TEX11: variants seen among roughly 807,000 people sequenced by gnomAD.
The protein encoded by TEX11 is testis expressed 11.
Under a neutral mutation model 84.4 loss-of-function variants are expected in TEX11, and 7 were observed. That is an observed-to-expected ratio of 0.08 (90% CI 0.05 to 0.16). TEX11 has a LOEUF of 0.16. TEX11 is among the 10% of genes least tolerant of loss of function. TEX11 has a pLI of 1.00. For synonymous variants in TEX11, 264 were observed against 222.8 expected, an observed-to-expected ratio of 1.18 and a Z score of -1.64; for missense variants, 551 against 660.5, an observed-to-expected ratio of 0.83 and a Z score of 1.82.
intron 25 of TEX11, among the ~76,000 whole-genome samples, chrX:70,569,634 C>T (rs1313327989): frequency 1.8e-5 from 2 of 112,068 alleles, no homozygotes; most frequent in African/African-American, 3.2e-5. Flanking sequence ...AGACAGGACC[C>T]TCAGCTGCAG....
At position 70,687,887 on chromosome X, in the gene TEX11, A is replaced by AAAGG. The variant is rs200150715; in HGVS notation, c.1005-5066_1005-5063dup. Reference sequence around the variant, plus strand: ...GGAAAGAAAGGAAGAAAAAGAAAGAAAAGGAAGGAAGGAAGGAAGGAGAAG... The same window carrying AAAGG: ...GGAAAGAAAGGAAGAAAAAGAAAGAAAAGGAAGGAAGGAAGGAAGGAAGGAGAAG... On this transcript the variant is annotated intron_variant, in intron 13 of 29. Coordinates refer to ENST00000374333, the MANE Select transcript of TEX11 (RefSeq NM_031276.3). Among the ~76,000 whole-genome samples, 248 of 108,223 alleles carry AAAGG rather than the reference A, an allele frequency of 2.3e-3. 1 individual carries two copies. The highest frequency in any genetic ancestry group is 5.2e-3 in the African/African-American group (155 of 29,619). 94.0% of individuals were successfully genotyped at this position (108,223 alleles called of 115,157 possible).
chrX:70,528,621 T>C (rs1173889785), downstream of TEX11, among the ~76,000 whole-genome samples: 1 of 110,646 alleles, frequency 9.0e-6, no homozygotes, highest in African/African-American at 3.3e-5. Context: ...CCACTACGCC[T>C]GGCCTGGAAT....
chrX:70,740,870 C>T (rs2090729145), intron 10 of TEX11, 74 bp from the exon 11 acceptor site: 8 of 612,333 alleles, frequency 1.3e-5, no homozygotes, highest in Non-Finnish European at 1.7e-5. Flanking sequence ...ACTAGCACTC[C>T]CACAGTGACA....
At chrX:70,656,599 G>A (rs2089868889) in intron 16 of TEX11, among the ~76,000 whole-genome samples, 2 of 111,376 alleles carry the variant, frequency 1.8e-5, no homozygotes, top group African/African-American at 6.5e-5. Flanking sequence ...GAGGCATTAA[G>A]AAACACAAGT....
At chrX:70,652,659 C>A (rs2089823275) in intron 16 of TEX11, among the ~76,000 whole-genome samples, 1 of 111,490 alleles carries the variant, frequency 9.0e-6, no homozygotes, top group African/African-American at 3.3e-5. Flanking sequence ...GAAACAGAGA[C>A]CATAAAATGT....
intron 2 of TEX11, among the ~76,000 whole-genome samples, chrX:70,881,341 A>C (rs1479242661): frequency 1.8e-5 from 2 of 109,197 alleles, no homozygotes; most frequent in African/African-American, 3.4e-5. Context: ...AAAAAAAAAA[A>C]ACTAAAACTA....
chrX:70,854,391 A>C (rs752645288), intron 5 of TEX11, among the ~76,000 whole-genome samples: 2 of 110,881 alleles, frequency 1.8e-5, no homozygotes, highest in Non-Finnish European at 3.8e-5. Context: ...TAAAGAGATA[A>C]ACTCCAAATT....
chrX:70,645,514 A>G (rs1471225830), intron 17 of TEX11, among the ~76,000 whole-genome samples: 1 of 106,590 alleles, frequency 9.4e-6, no homozygotes, highest in Non-Finnish European at 2.0e-5. Context: ...TGTAAATAAC[A>G]TGATCTTATA....
At chrX:70,790,443 C>T (rs772146137) in intron 9 of TEX11, among the ~76,000 whole-genome samples, 3 of 111,427 alleles carry the variant, frequency 2.7e-5, no homozygotes, top group Non-Finnish European at 5.7e-5. Flanking sequence ...ACTCCCACCA[C>T]GGACCTCTGG....
chrX:70,543,501 A>C (rs2088075230), intron 28 of TEX11, among the ~76,000 whole-genome samples: 1 of 112,560 alleles, frequency 8.9e-6, no homozygotes, highest in Non-Finnish European at 1.9e-5. Flanking sequence ...TGTATTGGTC[A>C]CTATGGCAAA....
At chrX:70,901,501 TG>T (rs954105641) in intron 2 of TEX11, among the ~76,000 whole-genome samples, 3 of 111,364 alleles carry the variant, frequency 2.7e-5, no homozygotes, top group African/African-American at 9.8e-5. Flanking sequence ...CCACGGATGG[TG>T]GGGGGATGGT....
intron 9 of TEX11, among the ~76,000 whole-genome samples, chrX:70,750,933 A>AAAAATATATATATATAT (rs1390175136): frequency 2.1e-4 from 6 of 28,184 alleles, no homozygotes; most frequent in East Asian, 1.8e-3. Context: ...AAAAAAAAAA[A>AAAAATATATATATATAT]ATATATATAT....
intron 7 of TEX11, 125 bp downstream of exon 7, chrX:70,852,909 T>C (rs1366327248): frequency 3.1e-6 from 2 of 648,675 alleles, no homozygotes; most frequent in Non-Finnish European, 2.3e-6. Flanking sequence ...GATAAAAAGG[T>C]CAAATTAATA....
At chrX:70,753,683 C>T (rs1246932206) in intron 9 of TEX11, among the ~76,000 whole-genome samples, 4 of 109,744 alleles carry the variant, frequency 3.6e-5, no homozygotes, top group Admixed American at 9.8e-5. Flanking sequence ...GGATATGAGG[C>T]GAAACTCCTT....
intron 5 of TEX11, among the ~76,000 whole-genome samples, chrX:70,854,592 TG>T (rs1271047901): frequency 9.1e-6 from 1 of 109,433 alleles, no homozygotes; most frequent in East Asian, 2.9e-4. Context: ...AAAAATTCAT[TG>T]GGCATGGTGG....
chrX:70,518,087 T>C, the TEX11 span, among the ~76,000 whole-genome samples: 47 of 111,137 alleles, frequency 4.2e-4, no homozygotes, highest in East Asian at 8.5e-4. Context: ...GCTGGACTTA[T>C]TGATTTTTTG....
At chrX:70,817,117 G>C (rs1256619197) in intron 8 of TEX11, among the ~76,000 whole-genome samples, 1 of 60,139 alleles carries the variant, frequency 1.7e-5, no homozygotes, top group Non-Finnish European at 3.1e-5. Context: ...TATTAGAGAT[G>C]ATAGAAGATA....
chrX:70,731,331 C>T (rs2090648498), intron 11 of TEX11, among the ~76,000 whole-genome samples: 1 of 110,942 alleles, frequency 9.0e-6, no homozygotes, highest in African/African-American at 3.3e-5. Flanking sequence ...AATAGAGACA[C>T]AAAAAAGCCT....
At chrX:70,898,893 C>T (rs908218682) in intron 2 of TEX11, among the ~76,000 whole-genome samples, 11 of 111,836 alleles carry the variant, frequency 9.8e-5, no homozygotes, top group African/African-American at 2.9e-4. Flanking sequence ...GCGTGAGCCA[C>T]GGCACCCGGC....
Sources: gnomAD v4.1 joint callset for allele counts (sites outside exome capture counted in the v4.1 genomes callset) on GRCh38, gnomAD v4.1.1 for gene constraint, MANE v1.5 for transcripts, NCBI Gene and HGNC (gene_info 2026-07-23, HGNC 2026-07-21) for gene names.